Variants in STAM observed in about 807,000 individuals in gnomAD.
STAM encodes the protein signal transducing adaptor molecule, also known as signal transducing adapter molecule 1.
In STAM, 16 loss-of-function variants were observed where a neutral mutation model predicts 63.4. That is an observed-to-expected ratio of 0.25 (90% CI 0.17 to 0.38). The LOEUF (loss-of-function observed/expected upper bound fraction) is 0.38. STAM is among the 10% of genes least tolerant of loss of function. The probability of loss-of-function intolerance (pLI) is 1.00; values close to 1 mark genes in which losing one functional copy is unlikely to be tolerated. For synonymous variants in STAM, 238 were observed against 223.9 expected, an observed-to-expected ratio of 1.06 and a Z score of -0.56; for missense variants, 636 against 657.1, an observed-to-expected ratio of 0.97 and a Z score of 0.35.
rs782062323 is a variant in STAM at position 17,714,625 on chromosome 10, G to T, written c.1468G>T (p.Ala490Ser). 6.2e-7 allele frequency: 1 copy of T among 1,614,016 alleles called. No individual in the cohort carries two copies. Among genetic ancestry groups the T allele is most frequent in the Admixed American group, 1.7e-5 (1 of 60,000 alleles). ...TCCTCCTCCTGCCGCTACTGCTGCTGCTGCAACTGCCGATGTCACTCTGTA... is the reference window on the plus strand; with the variant it reads ...TCCTCCTCCTGCCGCTACTGCTGCTTCTGCAACTGCCGATGTCACTCTGTA... ...YSPPPAATAA[A>S]ATADVTLYQN... The change falls in exon 14 of 14, where the codon GCT (alanine) becomes TCT (serine). Residue 490 changes from alanine (A) to serine (S), a missense_variant. By Grantham distance (99) the Ala-to-Ser change is moderately conservative. This residue lies in a region of STAM where 532 missense variants were observed against 536.9 expected (regional missense o/e 0.99). Coordinates refer to ENST00000377524, the MANE Select transcript of STAM (RefSeq NM_003473.4).
intron 5 of STAM, among the ~76,000 whole-genome samples, chr10:17,688,656 T>G (rs1554826408): frequency 6.6e-6 from 1 of 151,702 alleles, no homozygotes; most frequent in Admixed American, 6.6e-5. Flanking sequence ...TAGAGGTGGG[T>G]TTCACCATGT....
At chr10:17,681,563 A>G (rs1835087333) in intron 2 of STAM, among the ~76,000 whole-genome samples, 1 of 152,158 alleles carries the variant, frequency 6.6e-6, no homozygotes, top group Non-Finnish European at 1.5e-5. Context: ...TAGTTCAAAT[A>G]ATTTATAGAT....
intron 2 of STAM, among the ~76,000 whole-genome samples, chr10:17,681,234 T>G (rs1317513704): frequency 6.7e-6 from 1 of 149,200 alleles, no homozygotes; most frequent in Non-Finnish European, 1.5e-5. Context: ...TGCTTATAGG[T>G]ATAAATTACC....
intron 8 of STAM, among the ~76,000 whole-genome samples, chr10:17,698,728 A>G (rs1056239682): frequency 2.6e-5 from 4 of 152,134 alleles, no homozygotes; most frequent in African/African-American, 9.7e-5. Flanking sequence ...TATTGTATAT[A>G]AATAATATAT....
chr10:17,692,153 T>C (rs1835566310), intron 5 of STAM, among the ~76,000 whole-genome samples: 1 of 152,198 alleles, frequency 6.6e-6, no homozygotes, highest in African/African-American at 2.4e-5. Flanking sequence ...AAGAGGCTAA[T>C]TTGCCCAGTG....
chr10:17,659,531 C>T (rs868957451), intron 1 of STAM, among the ~76,000 whole-genome samples: 2 of 127,094 alleles, frequency 1.6e-5, no homozygotes, highest in African/African-American at 6.1e-5. Context: ...GTGCAGTGTA[C>T]GATCATAGCT....
intron 7 of STAM, 181 bp from the exon 8 acceptor site, chr10:17,696,594 G>A: frequency 1.8e-6 from 1 of 544,868 alleles, no homozygotes; most frequent in Non-Finnish European, 3.3e-6. Context: ...GTGTTGAATA[G>A]CTTCTTACCT....
At chr10:17,660,387 T>C in intron 1 of STAM, 77 bp from the exon 2 acceptor site, 1 of 967,884 alleles carries the variant, frequency 1.0e-6, no homozygotes, top group Non-Finnish European at 1.5e-6. Context: ...TACTATAGTT[T>C]TGTGATTTAA....
At chr10:17,653,557 C>T (rs1554821796) in intron 1 of STAM, among the ~76,000 whole-genome samples, 1 of 152,146 alleles carries the variant, frequency 6.6e-6, no homozygotes, top group African/African-American at 2.4e-5. Context: ...TTGTTTGTAT[C>T]TGGGGGTCTG....
intron 1 of STAM, among the ~76,000 whole-genome samples, chr10:17,650,535 C>G (rs1432651125): frequency 1.3e-5 from 2 of 152,160 alleles, no homozygotes; most frequent in African/African-American, 2.4e-5. Flanking sequence ...TTCTTGACTT[C>G]TGTAGTTGTA....
At chr10:17,660,324 G>A (rs1834114611) in intron 1 of STAM, 140 bp from the exon 2 acceptor site, 1 of 524,180 alleles carries the variant, frequency 1.9e-6, no homozygotes, top group Admixed American at 3.8e-5. Flanking sequence ...AGATGGCCAT[G>A]AAAATAACTA....
At position 17,716,165 on chromosome 10, in the gene STAM, T is replaced by A. The variant is rs1836806947; in HGVS notation, c.*1385T>A. On this transcript the variant is annotated 3_prime_UTR_variant, in exon 14 of 14. Coordinates refer to ENST00000377524, the MANE Select transcript of STAM (RefSeq NM_003473.4). ...TAGCACTATTTAAACAACGGAAAAG[T>A]TGAGTCGAACATCATATTTAATGAA... 1.3e-5 allele frequency among the ~76,000 whole-genome samples: 2 copies of A among 152,140 alleles called. No individual in the cohort carries two copies. Among genetic ancestry groups the A allele is most frequent in the South Asian group, 4.1e-4 (2 of 4,826 alleles).
chr10:17,696,408 T>A (rs1312695512), intron 7 of STAM, among the ~76,000 whole-genome samples: 2 of 152,098 alleles, frequency 1.3e-5, no homozygotes, highest in Non-Finnish European at 2.9e-5. Context: ...GAGCAATGAT[T>A]TAGGAATGGA....
intron 2 of STAM, among the ~76,000 whole-genome samples, chr10:17,666,464 G>C (rs1282637876): frequency 7.7e-6 from 1 of 129,506 alleles, no homozygotes; most frequent in Non-Finnish European, 1.5e-5. Context: ...GCACGATCTT[G>C]GCTCACTGCA....
At chr10:17,653,616 T>C (rs528713333) in intron 1 of STAM, among the ~76,000 whole-genome samples, 2 of 152,300 alleles carry the variant, frequency 1.3e-5, no homozygotes, top group South Asian at 4.1e-4. Context: ...GAGGAAAAAA[T>C]ATCATGTCTG....
intron 2 of STAM, among the ~76,000 whole-genome samples, chr10:17,676,970 A>G (rs986348217): frequency 4.6e-5 from 7 of 152,132 alleles, no homozygotes; most frequent in African/African-American, 1.7e-4. Context: ...AATGCATAGG[A>G]CAGAATGAAA....
At chr10:17,668,027 A>G (rs372077266) in intron 2 of STAM, among the ~76,000 whole-genome samples, 4 of 152,214 alleles carry the variant, frequency 2.6e-5, no homozygotes, top group African/African-American at 9.7e-5. Flanking sequence ...TGGTAATGAC[A>G]AGGTCTGATG....
intron 12 of STAM, among the ~76,000 whole-genome samples, chr10:17,707,063 A>G (rs1050624899): frequency 1.3e-5 from 2 of 152,168 alleles, no homozygotes; most frequent in Non-Finnish European, 2.9e-5. Flanking sequence ...AACTATTTCA[A>G]GGACCCCCTT....
chr10:17,651,815 A>G (rs982730939), intron 1 of STAM, among the ~76,000 whole-genome samples: 1 of 152,216 alleles, frequency 6.6e-6, no homozygotes, highest in Non-Finnish European at 1.5e-5. Context: ...GAACTGTTAC[A>G]TCTTCGGGCT....
Sources: gnomAD v4.1 joint callset for allele counts (sites outside exome capture counted in the v4.1 genomes callset) on GRCh38, gnomAD v4.1.1 for gene constraint, gnomAD v4.1.1 regional missense constraint, MANE v1.5 for transcripts, NCBI Gene and HGNC (gene_info 2026-07-23, HGNC 2026-07-21) for gene names.